Variants in ALAS1 observed in about 807,000 individuals in gnomAD.
ALAS1 encodes the protein 5'-aminolevulinate synthase 1.
Under a neutral mutation model 59.6 loss-of-function variants are expected in ALAS1, and 29 were observed. The ratio of observed to expected loss-of-function variants is 0.49; its 90% CI spans 0.36 to 0.66. The LOEUF is 0.66. ALAS1 is among the 30% of genes least tolerant of loss of function. The pLI is 0.00. For missense variants in ALAS1, 690 were observed against 807.5 expected (o/e 0.85, Z 1.76); for synonymous variants, 299 against 296.6 (o/e 1.01, Z -0.08).
intron 5 of ALAS1, 95 bp downstream of exon 5, chr3:52,204,107 A>G (rs1699246519): frequency 8.5e-6 from 11 of 1,299,714 alleles, no homozygotes; most frequent in Non-Finnish European, 1.0e-5. Context: ...GGCTGGGCAC[A>G]GTAGCTCATA....
intron 8 of ALAS1, among the ~76,000 whole-genome samples, chr3:52,207,663 T>G (rs1192569252): frequency 1.3e-5 from 2 of 152,118 alleles, no homozygotes. Flanking sequence ...GTCCCTGGTG[T>G]CTGTTGTTCC....
Position 52,206,662 on chromosome 3 carries a change from A to G in ALAS1, c.1076A>G (p.Asn359Ser). The G allele has an allele frequency of 6.2e-7, 1 of 1,614,152 alleles. No individual in the cohort carries two copies. Among genetic ancestry groups the G allele is most frequent in the South Asian group, 1.1e-5 (1 of 91,092 alleles). The stretch of plus-strand genomic sequence containing the variant: ...GTGCCAAAGTACATCTTCCGCCACA[A>G]TGATGTCAGCCACCTCAGAGAACTG... ...SRVPKYIFRH[N>S]DVSHLRELLQ... Residue 359 changes from asparagine (N) to serine (S), a missense_variant, in exon 8 of 12, where the codon AAT (asparagine) becomes AGT (serine). By Grantham distance (46) the Asn-to-Ser change is conservative (BLOSUM62 1). Coordinates refer to ENST00000484952, the MANE Select transcript of ALAS1 (RefSeq NM_000688.6).
At chr3:52,209,886 G>A (rs954218578) in intron 9 of ALAS1, among the ~76,000 whole-genome samples, 1 of 151,960 alleles carries the variant, frequency 6.6e-6, no homozygotes, top group Non-Finnish European at 1.5e-5. Context: ...CACCATGTTG[G>A]CCAGGCTGGT....
At chr3:52,204,563 A>C in intron 5 of ALAS1, 130 bp from the exon 6 acceptor site, 1 of 709,868 alleles carries the variant, frequency 1.4e-6, no homozygotes, top group Non-Finnish European at 2.4e-6. Flanking sequence ...TTATTTACTT[A>C]CAAGATGAGG....
At chr3:52,201,971 C>G (rs538944262) in intron 3 of ALAS1, among the ~76,000 whole-genome samples, 41 of 152,268 alleles carry the variant, frequency 2.7e-4, no homozygotes, top group African/African-American at 8.7e-4. Context: ...TAAGAGGCAA[C>G]TGGAATGTGC....
At chr3:52,208,379 C>A in intron 9 of ALAS1, 132 bp downstream of exon 9, 1 of 1,014,946 alleles carries the variant, frequency 9.9e-7, no homozygotes, top group Non-Finnish European at 1.4e-6. Flanking sequence ...TTTCTTTTGG[C>A]CCAGCTTAGT....
At position 52,208,203 on chromosome 3, in the gene ALAS1, G is replaced by T. The variant is rs747345401; in HGVS notation, c.1286G>T (p.Arg429Leu). The T allele has an allele frequency of 6.2e-7, 1 of 1,614,086 alleles. No individual in the cohort carries two copies. Among genetic ancestry groups the T allele is most frequent in the Non-Finnish European group, 8.5e-7 (1 of 1,180,036 alleles). Residue 429 changes from arginine (R) to leucine (L), a missense_variant, in exon 9 of 12, where the codon CGG (arginine) becomes CTG (leucine). Arg to Leu is a moderately radical substitution (Grantham distance 102). Coordinates refer to ENST00000484952, the MANE Select transcript of ALAS1 (RefSeq NM_000688.6). ...GCTCGAGGCGGAGGGATTGGGGATC[G>T]GGATGGAGTCATGCCAAAAATGGAC... ...YGARGGGIGDRDGVMPKMDII... is the reference protein window; with the variant it reads ...YGARGGGIGDLDGVMPKMDII...
intron 8 of ALAS1, among the ~76,000 whole-genome samples, chr3:52,207,179 A>G (rs950544589): frequency 2.6e-5 from 4 of 151,672 alleles, no homozygotes; most frequent in African/African-American, 7.3e-5. Context: ...AATTTTTTGT[A>G]TTTTTAGTAG....
intron 3 of ALAS1, among the ~76,000 whole-genome samples, chr3:52,200,562 C>A (rs1444747559): frequency 1.3e-5 from 2 of 152,158 alleles, no homozygotes; most frequent in African/African-American, 4.8e-5. Flanking sequence ...CATGGTGAAA[C>A]CCCACTGTTA....
chr3:52,198,776 G>T lies in ALAS1; in HGVS notation c.-105G>T. Reference sequence around the variant, plus strand: ...CTTCCTCGGGTTTAGGGGATGTGGGGACCAGGAGAAAGTCAGGATCCCTAA... The same window carrying T: ...CTTCCTCGGGTTTAGGGGATGTGGGTACCAGGAGAAAGTCAGGATCCCTAA... On this transcript the variant is annotated 5_prime_UTR_variant, in exon 2 of 12. Coordinates refer to ENST00000484952, the MANE Select transcript of ALAS1 (RefSeq NM_000688.6). The T allele has an allele frequency of 6.5e-7, 1 of 1,534,848 alleles. No homozygotes were observed. The highest frequency in any genetic ancestry group is 8.7e-7 in the Non-Finnish European group (1 of 1,146,136).
In ALAS1 at chr3:52,202,614, G is replaced by A. The variant is rs372617767; in HGVS notation, c.307G>A (p.Gly103Ser). The A allele has an allele frequency of 3.7e-5, 59 of 1,614,008 alleles. No homozygotes were observed. The highest frequency in any genetic ancestry group is 4.9e-5 in the Non-Finnish European group (58 of 1,180,042). ...ACACCCCTTGCCTGCCACAAGCCAGGGCACTGCAAGCAAATGCCCTTTCCT... is the reference window on the plus strand; with the variant it reads ...ACACCCCTTGCCTGCCACAAGCCAGAGCACTGCAAGCAAATGCCCTTTCCT... ...SGHPLPATSQ[G>S]TASKCPFLAA... is the part of the protein sequence containing the mutation. Residue 103 changes from glycine (G) to serine (S), a missense_variant, in exon 4 of 12, where the codon GGC (glycine) becomes AGC (serine). By Grantham distance (56) the Gly-to-Ser change is moderately conservative. Transcript: ENST00000484952.
At position 52,209,470 on chromosome 3, in the gene ALAS1, G is replaced by A. The variant is rs141440846; in HGVS notation, c.1330+1223G>A. The stretch of plus-strand genomic sequence containing the variant: ...GATCTGCCCGCCTCAGCCTCCCAAA[G>A]TGCTGGGATTACAGGCGTGAGCCAC... On this transcript the variant is annotated intron_variant, in intron 9 of 11. Transcript: ENST00000484952. Among the ~76,000 whole-genome samples, 481 of 152,280 alleles carry A rather than the reference G, an allele frequency of 3.2e-3. 2 individuals are homozygous for A. Among genetic ancestry groups the A allele is most frequent in the African/African-American group, 0.01 (432 of 41,540 alleles).
intron 3 of ALAS1, among the ~76,000 whole-genome samples, chr3:52,202,151 A>T (rs1254039530): frequency 6.6e-6 from 1 of 152,206 alleles, no homozygotes; most frequent in Non-Finnish European, 1.5e-5. Flanking sequence ...GGAGTTCAAG[A>T]CCAGCCTGGA....
intron 3 of ALAS1, 107 bp from the exon 4 acceptor site, chr3:52,202,400 G>A: frequency 1.1e-6 from 1 of 887,750 alleles, no homozygotes; most frequent in Non-Finnish European, 1.8e-6. Context: ...GTGGGGTACA[G>A]TAAGTATTAA....
Position 52,208,153 on chromosome 3 carries a change from G to A in ALAS1, c.1236G>A (p.Glu412=). The change falls in exon 9 of 12, where the codon GAG becomes GAA. Residue 412 remains glutamate, a synonymous_variant. Coordinates refer to ENST00000484952, the MANE Select transcript of ALAS1 (RefSeq NM_000688.6). The stretch of plus-strand genomic sequence containing the variant: ...TTGGAGCAATCACCTTCGTGGATGA[G>A]GTCCACGCAGTGGGGCTTTATGGGG... The part of the protein sequence containing the change: ...HEFGAITFVD[E]VHAVGLYGAR... The A allele has an allele frequency of 6.2e-7, 1 of 1,612,956 alleles. No homozygotes were observed. The highest frequency in any genetic ancestry group is 8.5e-7 in the Non-Finnish European group (1 of 1,179,318).
At chr3:52,201,958 G>A (rs190033525) in intron 3 of ALAS1, among the ~76,000 whole-genome samples, 88 of 152,296 alleles carry the variant, frequency 5.8e-4, no homozygotes, top group Middle Eastern at 6.8e-3. Flanking sequence ...AATACTGTGG[G>A]TTTAAGAGGC....
At chr3:52,213,750 G>A (rs1488710827) in intron 11 of ALAS1, among the ~76,000 whole-genome samples, 1 of 152,162 alleles carries the variant, frequency 6.6e-6, no homozygotes, top group East Asian at 1.9e-4. Flanking sequence ...CTTTGTGTCT[G>A]CCTTCTTCCA....
At chr3:52,202,838 A>C (rs1699216203) in intron 4 of ALAS1, 104 bp downstream of exon 4, 1 of 1,093,788 alleles carries the variant, frequency 9.1e-7, no homozygotes, top group Non-Finnish European at 1.3e-6. Flanking sequence ...GTATTTATGG[A>C]AACACCTTCC....
At chr3:52,210,928 C>T (rs757930642) in intron 9 of ALAS1, among the ~76,000 whole-genome samples, 24 of 152,132 alleles carry the variant, frequency 1.6e-4, no homozygotes, top group Admixed American at 4.6e-4. Context: ...TATAGCCTAC[C>T]GCACACCTAG....
Sources: allele counts gnomAD v4.1 joint callset (sites outside exome capture counted in the v4.1 genomes callset), GRCh38; gene constraint gnomAD v4.1.1; transcripts MANE v1.5; gene names NCBI Gene and HGNC (gene_info 2026-07-23, HGNC 2026-07-21).